CSMD2: variants seen among roughly 807,000 people sequenced by gnomAD.
The protein encoded by CSMD2 is CUB and Sushi multiple domains 2.
CSMD2 carries 130 observed loss-of-function variants against 398.5 expected under a neutral mutation model. The observed-to-expected ratio is 0.33, with a 90% CI of 0.28 to 0.38. The LOEUF (loss-of-function observed/expected upper bound fraction) is 0.38. Among genes scored for constraint, CSMD2 ranks in the 10% least tolerant of loss-of-function variants. The pLI is 1.00. For missense variants in CSMD2, 3,829 were observed against 4,764.9 expected, an observed-to-expected ratio of 0.80 and a Z score of 5.78; for synonymous variants, 1,828 against 1,908.5, an observed-to-expected ratio of 0.96 and a Z score of 1.10.
At chr1:33,714,262 C>CATGG (rs766599333) in intron 21 of CSMD2, among the ~76,000 whole-genome samples, 49 of 152,222 alleles carry the variant, frequency 3.2e-4, no homozygotes, top group Non-Finnish European at 6.2e-4. Flanking sequence ...ATCCTTAAGC[C>CATGG]ATGGGTCTGT....
intron 5 of CSMD2, 148 bp downstream of exon 5, chr1:33,917,946 G>A (rs2125282397): frequency 3.3e-6 from 2 of 606,544 alleles, no homozygotes; most frequent in Non-Finnish European, 5.7e-6. Context: ...TTTTCATTAG[G>A]ATGAGATGAA....
intron 15 of CSMD2, among the ~76,000 whole-genome samples, chr1:33,737,534 C>T (rs1475923946): frequency 6.6e-6 from 1 of 152,194 alleles, no homozygotes; most frequent in East Asian, 1.9e-4. Flanking sequence ...TTCCCATTAT[C>T]AACCTGCATT....
chr1:33,752,457 C>T (rs1027798587), intron 13 of CSMD2, among the ~76,000 whole-genome samples: 1 of 152,218 alleles, frequency 6.6e-6, no homozygotes, highest in Non-Finnish European at 1.5e-5. Context: ...TCCTGAGACC[C>T]TCACCAGGAG....
chr1:33,711,484 T>C (rs920885805), intron 21 of CSMD2, among the ~76,000 whole-genome samples: 1 of 152,176 alleles, frequency 6.6e-6, no homozygotes, highest in Non-Finnish European at 1.5e-5. Context: ...TAGGTAAACA[T>C]AGGGGAATGG....
At chr1:33,801,803 C>A (rs183523863) in intron 10 of CSMD2, among the ~76,000 whole-genome samples, 6 of 152,026 alleles carry the variant, frequency 3.9e-5, no homozygotes, top group African/African-American at 1.2e-4. Context: ...CCAGATGTGC[C>A]CAGACAGGTC....
chr1:33,647,362 C>T (rs188015785), intron 28 of CSMD2, among the ~76,000 whole-genome samples: 5,376 of 151,706 alleles, frequency 0.035, 246 homozygotes, highest in East Asian at 0.13. Context: ...TATTGCCCCA[C>T]GCCTAGCACC....
At chr1:34,083,313 G>A (rs760743866) in intron 2 of CSMD2, among the ~76,000 whole-genome samples, 17 of 152,096 alleles carry the variant, frequency 1.1e-4, no homozygotes, top group African/African-American at 1.7e-4. Flanking sequence ...TCTAGCTCTC[G>A]CTCTTTGTCA....
At chr1:33,621,280 G>A (rs761364866) in intron 37 of CSMD2, among the ~76,000 whole-genome samples, 4 of 152,124 alleles carry the variant, frequency 2.6e-5, no homozygotes, top group Non-Finnish European at 5.9e-5. Flanking sequence ...ACACAGGGCG[G>A]GGCACATTGC....
intron 1 of CSMD2, among the ~76,000 whole-genome samples, chr1:34,133,563 G>A (rs575981504): frequency 5.9e-5 from 9 of 151,796 alleles, no homozygotes; most frequent in Non-Finnish European, 1.3e-4. Flanking sequence ...CTCAGGAGGT[G>A]GAGGTTGCAG....
intron 12 of CSMD2, among the ~76,000 whole-genome samples, chr1:33,785,821 A>G (rs1387508750): frequency 1.3e-5 from 2 of 152,208 alleles, no homozygotes; most frequent in Non-Finnish European, 2.9e-5. Flanking sequence ...TTCTTTTCCA[A>G]CAAGATCACA....
At chr1:33,805,373 T>A (rs1000942600) in intron 10 of CSMD2, among the ~76,000 whole-genome samples, 2 of 152,204 alleles carry the variant, frequency 1.3e-5, no homozygotes, top group African/African-American at 4.8e-5. Flanking sequence ...ATAATTTAAT[T>A]AAATGTGAAT....
At chr1:33,785,494 CT>C (rs1209736094) in intron 12 of CSMD2, among the ~76,000 whole-genome samples, 1 of 152,246 alleles carries the variant, frequency 6.6e-6, no homozygotes, top group Non-Finnish European at 1.5e-5. Flanking sequence ...TACTTCACCC[CT>C]CTGAGTCTCA....
At chr1:34,100,116 T>C (rs192930311) in intron 1 of CSMD2, among the ~76,000 whole-genome samples, 4 of 152,356 alleles carry the variant, frequency 2.6e-5, no homozygotes, top group African/African-American at 9.6e-5. Context: ...TATTTCACAC[T>C]GGTGAGATAA....
chr1:33,786,113 T>C (rs1440914506), intron 12 of CSMD2, among the ~76,000 whole-genome samples: 2 of 152,348 alleles, frequency 1.3e-5, no homozygotes, highest in South Asian at 2.1e-4. Context: ...CATGACTTGA[T>C]ATTTATTCCC....
At position 33,635,407 on chromosome 1, in the gene CSMD2, C is replaced by T. The variant is rs1642737271; in HGVS notation, c.4970-77G>A. The T allele has an allele frequency of 3.3e-6, 3 of 900,486 alleles. No homozygotes were observed. In the South Asian group the frequency reaches 4.5e-5, roughly 14 times the overall value. The allele number at this position is 900,486 out of a possible 1,614,324, so 55.8% of individuals were successfully genotyped here. On this transcript the variant is annotated intron_variant, in intron 30 of 70. Transcript: ENST00000373381. The surrounding 1 kb of genome is among the most constrained non-coding windows in gnomAD (Gnocchi z 5.0). ...GTGACCATCCTCTGTTCTGCCCCAG[C>T]CTGAGCTTCTGGCCCCAGTAGGGCT... is the stretch of plus-strand genomic sequence containing the variant.
At chr1:33,667,800 C>T (rs1042774043) in intron 25 of CSMD2, among the ~76,000 whole-genome samples, 2 of 152,084 alleles carry the variant, frequency 1.3e-5, no homozygotes, top group African/African-American at 4.8e-5. Flanking sequence ...AAGTTGGCAA[C>T]GGAAAGGACA....
upstream of CSMD2, chr1:34,165,660 G>T: frequency 1.6e-6 from 2 of 1,237,838 alleles, no homozygotes; most frequent in Non-Finnish European, 1.2e-6. Flanking sequence ...GCACATACAC[G>T]CACACCTCTT....
intron 1 of CSMD2, among the ~76,000 whole-genome samples, chr1:34,154,082 GA>G (rs1299476345): frequency 6.6e-6 from 1 of 152,152 alleles, no homozygotes; most frequent in Non-Finnish European, 1.5e-5. Flanking sequence ...AATGGGCAAA[GA>G]ATATAAATAG....
intron 13 of CSMD2, among the ~76,000 whole-genome samples, chr1:33,757,306 A>G (rs981210979): frequency 1.3e-5 from 2 of 151,780 alleles, no homozygotes; most frequent in African/African-American, 2.4e-5. Context: ...TTAAAGTATA[A>G]TAATAAAAAA....
Sources: allele counts gnomAD v4.1 joint callset (sites outside exome capture counted in the v4.1 genomes callset), GRCh38; gene constraint gnomAD v4.1.1; non-coding constraint Gnocchi (gnomAD v3.1); transcripts MANE v1.5; gene names NCBI Gene and HGNC (gene_info 2026-07-23, HGNC 2026-07-21).